TIAM1: variants seen among roughly 807,000 people sequenced by gnomAD.
TIAM1 encodes the protein TIAM Rac1 associated GEF 1.
TIAM1 carries 65 observed loss-of-function variants against 163.5 expected under a neutral mutation model. The ratio of observed to expected loss-of-function variants is 0.40; its 90% CI spans 0.33 to 0.49. The LOEUF is 0.49. Ranked by LOEUF, TIAM1 falls within the 20% of genes least tolerant of loss-of-function variation. The pLI, the probability that TIAM1 is intolerant of heterozygous loss-of-function variation, is 0.77. For missense variants in TIAM1, 1,789 were observed against 2,044.7 expected (o/e 0.87, Z 2.41); for synonymous variants, 833 against 810.1 (o/e 1.03, Z -0.48).
At chr21:31,492,597 T>G (rs1688484206) in intron 1 of TIAM1, among the ~76,000 whole-genome samples, 1 of 152,114 alleles carries the variant, frequency 6.6e-6, no homozygotes, top group South Asian at 2.1e-4. Flanking sequence ...ACCAAACCAA[T>G]GTACATCTTA....
Position 31,146,959 on chromosome 21 carries a change from G to A in TIAM1, c.3411C>T (p.Asp1137=), listed in dbSNP as rs781115624. 1 of 1,614,120 alleles carries A rather than the reference G, an allele frequency of 6.2e-7. No individual in the cohort carries two copies. Among genetic ancestry groups the A allele is most frequent in the Non-Finnish European group, 8.5e-7 (1 of 1,180,026 alleles). ...SLGGSFLYYA[D]RFKLYSAFCA... ...AGAAGGCACTGTAGAGCTTGAAGCG[G>A]TCAGCATAATACAGGAATGATCCCC... Residue 1137 remains aspartate (D), a synonymous_variant, in exon 20 of 28, where the codon GAC becomes GAT. Coordinates refer to ENST00000541036, the MANE Select transcript of TIAM1 (RefSeq NM_001353694.2).
chr21:31,235,934 C>G (rs2146679892), intron 6 of TIAM1, among the ~76,000 whole-genome samples: 1 of 152,354 alleles, frequency 6.6e-6, no homozygotes, highest in East Asian at 1.9e-4. Context: ...CATTAATAGT[C>G]TCCTAAGAGG....
intron 2 of TIAM1, among the ~76,000 whole-genome samples, chr21:31,278,559 C>G (rs1002818562): frequency 6.6e-6 from 1 of 152,154 alleles, no homozygotes; most frequent in African/African-American, 2.4e-5. Context: ...ACACTTTGAG[C>G]AGGAATATGA....
At chr21:31,267,120 C>T in intron 3 of TIAM1, 137 bp from the exon 4 acceptor site, 1 of 1,218,144 alleles carries the variant, frequency 8.2e-7, no homozygotes, top group South Asian at 1.6e-5. Flanking sequence ...AACAGCACAA[C>T]TTCCTATATG....
At chr21:31,514,886 T>C (rs957225947) in intron 1 of TIAM1, among the ~76,000 whole-genome samples, 1 of 152,232 alleles carries the variant, frequency 6.6e-6, no homozygotes, top group African/African-American at 2.4e-5. Context: ...GCAGACTTTG[T>C]TCCAGCGGAA....
At chr21:31,140,646 G>GT (rs778627322) in intron 22 of TIAM1, among the ~76,000 whole-genome samples, 135 of 152,310 alleles carry the variant, frequency 8.9e-4, no homozygotes, top group Non-Finnish European at 1.4e-3. Context: ...TTTCTCAGGT[G>GT]TATCTGTTCC....
At chr21:31,340,239 A>T (rs549044081) in intron 1 of TIAM1, among the ~76,000 whole-genome samples, 1 of 151,930 alleles carries the variant, frequency 6.6e-6, no homozygotes, top group Non-Finnish European at 1.5e-5. Flanking sequence ...AGGTCCTTAT[A>T]CCCTAGGACC....
intron 11 of TIAM1, among the ~76,000 whole-genome samples, chr21:31,205,084 T>C (rs1601538539): frequency 6.6e-6 from 1 of 152,242 alleles, no homozygotes. Flanking sequence ...ACAGGAACTT[T>C]TTAAGTGTGC....
intron 1 of TIAM1, among the ~76,000 whole-genome samples, chr21:31,540,461 G>A (rs779317318): frequency 2.0e-5 from 3 of 152,146 alleles, no homozygotes; most frequent in East Asian, 1.9e-4. Flanking sequence ...TCAAGTGGCC[G>A]GAAGAGGTGG....
chr21:31,211,321 G>A (rs1054892278), intron 10 of TIAM1, among the ~76,000 whole-genome samples: 1 of 152,190 alleles, frequency 6.6e-6, no homozygotes, highest in East Asian at 1.9e-4. Flanking sequence ...TTGATACAAT[G>A]TTAGGAGCCC....
rs568595971 is a variant in TIAM1, at chr21:31,217,624, T to C, written c.2071A>G (p.Ser691Gly). 3 of 1,614,064 alleles carry C rather than the reference T, an allele frequency of 1.9e-6. No homozygotes were observed. The Admixed American group carries it at 5.0e-5, about 27-fold the overall frequency. ...AGACCCCACAGAGAAGAAAACCTGCTCCTTCGCTTGCTCGCGGATCTGGAC... is the reference window on the plus strand; with the variant it reads ...AGACCCCACAGAGAAGAAAACCTGCCCCTTCGCTTGCTCGCGGATCTGGAC... The part of the protein sequence containing the change: ...AMSRSASKRR[S>G]RFSSLWGLDT... Residue 691 changes from serine (S) to glycine (G), a missense_variant, in exon 9 of 28, where the codon AGC becomes GGC. Physicochemically the swap from Ser to Gly is moderately conservative, Grantham distance 56. Coordinates refer to ENST00000541036, the MANE Select transcript of TIAM1 (RefSeq NM_001353694.2).
intron 2 of TIAM1, among the ~76,000 whole-genome samples, chr21:31,307,449 G>A (rs1374196085): frequency 1.3e-5 from 2 of 152,118 alleles, no homozygotes; most frequent in African/African-American, 2.4e-5. Context: ...CAGAACTAAG[G>A]AACCAAATAG....
intron 2 of TIAM1, among the ~76,000 whole-genome samples, chr21:31,413,700 T>A (rs2043285456): frequency 1.3e-5 from 2 of 152,218 alleles, no homozygotes; most frequent in Admixed American, 6.5e-5. Flanking sequence ...AAATGTATTA[T>A]CTAGCATTCG....
intron 2 of TIAM1, among the ~76,000 whole-genome samples, chr21:31,410,327 T>C (rs960411428): frequency 2.4e-4 from 37 of 151,714 alleles, no homozygotes; most frequent in African/African-American, 8.7e-4. Flanking sequence ...TGTGAGTATA[T>C]GTAGGAGACT....
intron 2 of TIAM1, among the ~76,000 whole-genome samples, chr21:31,406,502 G>T (rs1485837788): frequency 6.9e-6 from 1 of 144,598 alleles, no homozygotes; most frequent in East Asian, 2.0e-4. Context: ...AAAAGCTTTA[G>T]AACAGGGCCT....
intron 2 of TIAM1, among the ~76,000 whole-genome samples, chr21:31,315,679 C>CAAAAAAA (rs58560437): frequency 8.7e-5 from 7 of 80,246 alleles, no homozygotes; most frequent in South Asian, 4.1e-4. Context: ...AACTCCATCT[C>CAAAAAAA]AAAAAAAAAA....
chr21:31,398,286 T>C (rs973596086), intron 2 of TIAM1, among the ~76,000 whole-genome samples: 1 of 151,766 alleles, frequency 6.6e-6, no homozygotes. Context: ...GCGTGTAAAA[T>C]TGTAAAACAA....
intron 2 of TIAM1, among the ~76,000 whole-genome samples, chr21:31,354,961 A>G (rs941328092): frequency 2.0e-5 from 3 of 152,188 alleles, no homozygotes. Context: ...GCTTAGGCTC[A>G]GGCTTATGAT....
chr21:31,391,751 TG>T (rs555624544), intron 2 of TIAM1, among the ~76,000 whole-genome samples: 114 of 152,356 alleles, frequency 7.5e-4, no homozygotes, highest in Non-Finnish European at 1.3e-3. Context: ...TGCCTCCATT[TG>T]TATTCTTGCC....
Sources: allele counts gnomAD v4.1 joint callset (sites outside exome capture counted in the v4.1 genomes callset), GRCh38; gene constraint gnomAD v4.1.1; transcripts MANE v1.5; gene names NCBI Gene and HGNC (gene_info 2026-07-23, HGNC 2026-07-21).